The following GLYATL2 variants were observed in gnomAD, a reference collection of about 807,000 sequenced individuals.
The protein encoded by GLYATL2 is glycine-N-acyltransferase like 2.
Under a neutral mutation model 21.4 loss-of-function variants are expected in GLYATL2, and 25 were observed. The observed-to-expected ratio is 1.17, with a 90% CI of 0.85 to 1.63. The LOEUF (loss-of-function observed/expected upper bound fraction) is 1.63, where lower values mean the gene tolerates loss of function less well. Among genes scored for constraint, GLYATL2 ranks in the 40% most tolerant of loss-of-function variants. The probability of loss-of-function intolerance (pLI) is 0.00; values close to 1 mark genes in which losing one functional copy is unlikely to be tolerated. For missense variants in GLYATL2, 361 were observed against 343.3 expected (o/e 1.05, Z -0.41); for synonymous variants, 114 against 118.2 (o/e 0.96, Z 0.23).
In GLYATL2 at chr11:58,900,590, C is replaced by T. The variant is rs191398467; in HGVS notation, n.60+3566G>A. ...GCTTTTAAAAACTCTAAAAACCCAG[C>T]GTGACGGGGGGTAGGTTTGCCTAAA... On this transcript the variant is annotated intron_variant and non_coding_transcript_variant, in intron 1 of 4. Coordinates refer to the GLYATL2 transcript ENST00000533636. 6.6e-5 allele frequency among the ~76,000 whole-genome samples: 10 copies of T among 152,218 alleles called. No individual in the cohort carries two copies. In the East Asian group the frequency reaches 1.7e-3, roughly 26 times the overall value.
chr11:58,844,877 A>G (rs1345907223), upstream of GLYATL2: 3 of 152,206 alleles, frequency 2.0e-5, no homozygotes, highest in Non-Finnish European at 4.4e-5. Context: ...TTCAATGCAA[A>G]ATACTTGGCT....
intron 1 of GLYATL2, among the ~76,000 whole-genome samples, chr11:58,900,980 G>C (rs766981064): frequency 6.6e-6 from 1 of 151,498 alleles, no homozygotes; most frequent in African/African-American, 2.5e-5. Context: ...GGCGCCATCA[G>C]CTGGCAGCAC....
At chr11:58,871,555 T>C (rs1024107551) in intron 1 of GLYATL2, among the ~76,000 whole-genome samples, 2 of 151,952 alleles carry the variant, frequency 1.3e-5, no homozygotes, top group Non-Finnish European at 2.9e-5. Flanking sequence ...GTCCTTGTGA[T>C]AGTTTGCTGA....
In GLYATL2 at chr11:58,890,240, G is replaced by A. The variant is rs112537806; in HGVS notation, n.60+13916C>T. ...CAGCATTAATTTGCTTAGGATTATT[G>A]CACTGTGGAAAGTAGTCTGGAAATT... is the stretch of plus-strand genomic sequence containing the variant. On this transcript the variant is annotated intron_variant and non_coding_transcript_variant, in intron 1 of 4. Transcript: ENST00000533636. Among the ~76,000 whole-genome samples the A allele has an allele frequency of 9.3e-3, 1,408 of 152,176 alleles. 8 individuals are homozygous for A. Among genetic ancestry groups the A allele is most frequent in the Non-Finnish European group, 0.016 (1,054 of 67,968 alleles).
chr11:58,900,074 A>T (rs74987075), intron 1 of GLYATL2, among the ~76,000 whole-genome samples: 59 of 152,320 alleles, frequency 3.9e-4, no homozygotes, highest in African/African-American at 1.4e-3. Flanking sequence ...CATTTAAAAA[A>T]ACCTCCTCTG....
upstream of GLYATL2, chr11:58,908,632 G>A (rs955470804): frequency 6.5e-6 from 1 of 153,824 alleles, no homozygotes; most frequent in Admixed American, 6.5e-5. Flanking sequence ...AATTCCTAAA[G>A]AATAATAGTT....
At chr11:58,884,996 TG>T (rs1854410302) in intron 1 of GLYATL2, 1 of 155,688 alleles carries the variant, frequency 6.4e-6, no homozygotes, top group African/African-American at 2.4e-5. Flanking sequence ...TACGAATCCC[TG>T]GCCGTGAGCA....
chr11:58,881,722 T>G (rs1854338777), intron 1 of GLYATL2, among the ~76,000 whole-genome samples: 1 of 152,188 alleles, frequency 6.6e-6, no homozygotes, highest in African/African-American at 2.4e-5. Context: ...TTTCTCTTAA[T>G]GCCATCCCTC....
At chr11:58,835,000 C>T (rs1163031864) in intron 5 of GLYATL2, among the ~76,000 whole-genome samples, 163 bp from the exon 6 acceptor site, 2 of 152,060 alleles carry the variant, frequency 1.3e-5, no homozygotes, top group Non-Finnish European at 2.9e-5. Flanking sequence ...AAAATGTTTC[C>T]AAATAGTTGA....
chr11:58,882,033 A>G (rs1311714534), intron 1 of GLYATL2, among the ~76,000 whole-genome samples: 1 of 152,242 alleles, frequency 6.6e-6, no homozygotes, highest in Non-Finnish European at 1.5e-5. Flanking sequence ...TAGTGCCTCA[A>G]TAAACATATG....
At chr11:58,854,008 A>T (rs3020908) in intron 1 of GLYATL2, among the ~76,000 whole-genome samples, 1 of 152,018 alleles carries the variant, frequency 6.6e-6, no homozygotes, top group Admixed American at 6.6e-5. Flanking sequence ...CTCTGCTTCT[A>T]TGAATTTAAC....
At chr11:58,906,125 TGGTTCTG>T (rs1373624330), upstream of GLYATL2, among the ~76,000 whole-genome samples, 1 of 152,152 alleles carries the variant, frequency 6.6e-6, no homozygotes, top group Admixed American at 6.5e-5. Context: ...GTGGTTTTTC[TGGTTCTG>T]GGTCGGACCC....
chr11:58,837,474 G>C (rs896543705), intron 3 of GLYATL2, 77 bp from the exon 4 acceptor site: 2 of 1,352,768 alleles, frequency 1.5e-6, no homozygotes, highest in Admixed American at 1.9e-5. Context: ...TAGAGTGCTA[G>C]AGATTCAATT....
intron 1 of GLYATL2, among the ~76,000 whole-genome samples, chr11:58,891,040 G>T (rs982472050): frequency 2.6e-5 from 4 of 151,614 alleles, no homozygotes; most frequent in Non-Finnish European, 5.9e-5. Flanking sequence ...GCCATTTTCG[G>T]TCACTCCTTT....
chr11:58,904,357 A>T (rs116833602), upstream of GLYATL2: 2,973 of 152,300 alleles, frequency 0.02, 55 homozygotes, highest in South Asian at 0.05. Context: ...CAAAATCCAG[A>T]CTTCTTCATA....
intron 1 of GLYATL2, among the ~76,000 whole-genome samples, chr11:58,882,639 G>A (rs1854361185): frequency 6.6e-6 from 1 of 152,170 alleles, no homozygotes; most frequent in African/African-American, 2.4e-5. Context: ...TGGGGTTTTA[G>A]TCATGAAGTC....
intron 1 of GLYATL2, among the ~76,000 whole-genome samples, chr11:58,871,145 T>C (rs895331054): frequency 2.0e-5 from 3 of 152,106 alleles, no homozygotes; most frequent in African/African-American, 4.8e-5. Context: ...GAATTTGAGA[T>C]AGCTATTGGA....
At chr11:58,905,464 C>T (rs1439010669), upstream of GLYATL2, 10 of 456,164 alleles carry the variant, frequency 2.2e-5, no homozygotes, top group Non-Finnish European at 4.4e-5. Context: ...CACCGAAGCA[C>T]CTTGGCGGGC....
In GLYATL2 at chr11:58,876,729, G is replaced by GAA. The variant is rs1323218842; in HGVS notation, n.60+27426_60+27427insTT. ...GGGGTGCCTCCCAGTTAGGCTACTT[G>GAA]GGGGTCAGGGGCCCACTTGAGGAGG... On this transcript the variant is annotated intron_variant and non_coding_transcript_variant, in intron 1 of 4. Transcript: ENST00000533636. Among the ~76,000 whole-genome samples, 4 of 152,208 alleles carry GAA rather than the reference G, an allele frequency of 2.6e-5. No individual in the cohort carries two copies. In the East Asian group the frequency reaches 7.7e-4, roughly 29 times the overall value.
Sources: allele counts gnomAD v4.1 joint callset (sites outside exome capture counted in the v4.1 genomes callset), GRCh38; gene constraint gnomAD v4.1.1; transcripts MANE v1.5; gene names NCBI Gene and HGNC (gene_info 2026-07-23, HGNC 2026-07-21).